Variants in NUP210L observed in about 807,000 individuals in gnomAD.
NUP210L encodes the protein nuclear pore membrane glycoprotein 210-like.
Under a neutral mutation model 208.5 loss-of-function variants are expected in NUP210L, and 74 were observed. The observed-to-expected ratio is 0.35, with a 90% CI of 0.29 to 0.43. The LOEUF is 0.43. NUP210L is among the 20% of genes least tolerant of loss of function. NUP210L has a pLI of 1.00. For missense variants in NUP210L, 1,843 were observed against 2,289.4 expected, an observed-to-expected ratio of 0.81 and a Z score of 3.98; for synonymous variants, 780 against 816.9, an observed-to-expected ratio of 0.95 and a Z score of 0.77.
chr1:154,127,295 A>C lies in NUP210L; in HGVS notation c.1185+16T>G. The C allele has an allele frequency of 1.5e-6, 2 of 1,342,736 alleles. No individual in the cohort carries two copies. The highest frequency in any genetic ancestry group is 4.6e-5 in the East Asian group (2 of 43,316). The allele number at this position is 1,342,736 out of a possible 1,614,324, so 83.2% of individuals were successfully genotyped here. A position where few individuals can be genotyped will look rare whatever the true frequency, so the allele number is the denominator to read the frequency against. On this transcript the variant is annotated intron_variant, in intron 9 of 39. Coordinates refer to ENST00000368559, the Ensembl canonical transcript of NUP210L. Reference sequence around the variant, plus strand: ...TCCCTACAAGGAGCTCAGAAAAATAAAAAAGACTGACTCACATCTGAAATA... The same window carrying C: ...TCCCTACAAGGAGCTCAGAAAAATACAAAAGACTGACTCACATCTGAAATA...
intron 16 of NUP210L, among the ~76,000 whole-genome samples, chr1:154,086,539 G>A (rs903194414): frequency 3.3e-5 from 5 of 151,740 alleles, no homozygotes; most frequent in Admixed American, 6.6e-5. Context: ...GGCCAAGCAT[G>A]GTGGCTTATG....
At chr1:154,082,299 G>T (rs1289056826) in intron 16 of NUP210L, among the ~76,000 whole-genome samples, 1 of 152,130 alleles carries the variant, frequency 6.6e-6, no homozygotes, top group Non-Finnish European at 1.5e-5. Context: ...TAAAACCGTG[G>T]AGTCAGCTAA....
intron 25 of NUP210L, among the ~76,000 whole-genome samples, chr1:154,051,079 C>T (rs1238208180): frequency 6.6e-6 from 1 of 152,140 alleles, no homozygotes; most frequent in Non-Finnish European, 1.5e-5. Flanking sequence ...TTGCAAATAG[C>T]AGTTAGGAGT....
At chr1:154,086,724 A>G (rs538096795) in intron 16 of NUP210L, among the ~76,000 whole-genome samples, 1 of 151,998 alleles carries the variant, frequency 6.6e-6, no homozygotes, top group South Asian at 2.1e-4. Flanking sequence ...AGGTGAGAGG[A>G]TAGTTAGCTT....
chr1:153,999,126 C>T (rs945219193), intron 37 of NUP210L, among the ~76,000 whole-genome samples: 7 of 152,112 alleles, frequency 4.6e-5, no homozygotes, highest in South Asian at 4.1e-4. Flanking sequence ...CAGATGCTCA[C>T]GTAAACATCA....
intron 17 of NUP210L, among the ~76,000 whole-genome samples, chr1:154,067,498 C>T (rs954469190): frequency 3.3e-5 from 5 of 151,990 alleles, no homozygotes; most frequent in African/African-American, 7.3e-5. Context: ...TACTGAAATG[C>T]GCAAAAACTG....
intron 14 of NUP210L, among the ~76,000 whole-genome samples, chr1:154,097,339 C>T (rs1656227138): frequency 2.0e-5 from 3 of 152,064 alleles, no homozygotes; most frequent in South Asian, 4.1e-4. Flanking sequence ...GGGAAAGATA[C>T]GTGACTAACA....
intron 2 of NUP210L, among the ~76,000 whole-genome samples, chr1:154,145,538 A>G (rs1659075187): frequency 6.6e-6 from 1 of 152,182 alleles, no homozygotes; most frequent in Non-Finnish European, 1.5e-5. Context: ...AGGAAATGGC[A>G]TGCTTCCTTT....
chr1:154,062,686 C>T (rs1654206269), intron 17 of NUP210L, among the ~76,000 whole-genome samples: 1 of 145,646 alleles, frequency 6.9e-6, no homozygotes, highest in Non-Finnish European at 1.5e-5. Flanking sequence ...CTACCCGGCT[C>T]AAGCAGTCCT....
rs571191757 is a variant in NUP210L, at chr1:154,047,124, G to C, written c.3484-755C>G. ...GGAAGGGCAGTGGGTGGGTAGGGGG[G>C]CTATGGGGATGATTAATGGGCAGAA... On this transcript the variant is annotated intron_variant, in intron 25 of 39. Coordinates refer to ENST00000368559, the Ensembl canonical transcript of NUP210L. Among the ~76,000 whole-genome samples, 10 of 152,226 alleles carry C rather than the reference G, an allele frequency of 6.6e-5. No homozygotes were observed. The South Asian group carries it at 1.5e-3, about 22-fold the overall frequency.
chr1:154,105,127 G>A (rs1467656940), intron 12 of NUP210L, among the ~76,000 whole-genome samples: 2 of 152,216 alleles, frequency 1.3e-5, no homozygotes, highest in Non-Finnish European at 2.9e-5. Flanking sequence ...CCCTGGGGCA[G>A]AAGGGAACCT....
intron 12 of NUP210L, among the ~76,000 whole-genome samples, chr1:154,113,857 C>CAA (rs11298820): frequency 3.0e-4 from 12 of 40,668 alleles, no homozygotes; most frequent in East Asian, 6.3e-4. Flanking sequence ...GACTCCATCT[C>CAA]AAAAAAAAAA....
chr1:154,056,711 T>C (rs1653887768), intron 23 of NUP210L, 104 bp downstream of exon 23: 1 of 1,227,836 alleles, frequency 8.1e-7, no homozygotes, highest in African/African-American at 1.6e-5. Flanking sequence ...TGAGCCACTG[T>C]GCCCAGCCAG....
At chr1:153,999,993 T>A (rs1375073078) in intron 37 of NUP210L, among the ~76,000 whole-genome samples, 2 of 150,358 alleles carry the variant, frequency 1.3e-5, no homozygotes, top group African/African-American at 2.4e-5. Flanking sequence ...CCCAGGTAAT[T>A]TTTTTTTTGT....
intron 38 of NUP210L, among the ~76,000 whole-genome samples, chr1:153,994,368 G>A (rs1649697343): frequency 1.3e-5 from 2 of 151,832 alleles, no homozygotes; most frequent in Non-Finnish European, 2.9e-5. Flanking sequence ...AGGCTGAAGT[G>A]CAGTGGCACG....
chr1:154,042,833 T>G (rs764976454), intron 27 of NUP210L, among the ~76,000 whole-genome samples: 14 of 151,798 alleles, frequency 9.2e-5, no homozygotes, highest in Non-Finnish European at 1.9e-4. Context: ...TGCCTCAGCC[T>G]CCTGAGTAGC....
At chr1:154,101,153 C>T (rs1571273066) in intron 13 of NUP210L, among the ~76,000 whole-genome samples, 1 of 102,652 alleles carries the variant, frequency 9.7e-6, no homozygotes, top group South Asian at 3.2e-4. Flanking sequence ...GCCTGAGCAA[C>T]AAGAGTGAAA....
At chr1:154,108,839 G>A (rs544909548) in intron 12 of NUP210L, among the ~76,000 whole-genome samples, 5 of 151,802 alleles carry the variant, frequency 3.3e-5, no homozygotes, top group East Asian at 1.9e-4. Flanking sequence ...AGTGGCTCAC[G>A]CCTATAATCC....
chr1:154,109,170 A>G (rs1436895167), intron 12 of NUP210L, among the ~76,000 whole-genome samples: 14 of 151,614 alleles, frequency 9.2e-5, no homozygotes, highest in Admixed American at 9.2e-4. Flanking sequence ...CTATAAAGAC[A>G]CATGTAGACT....
Sources: allele counts gnomAD v4.1 joint callset (sites outside exome capture counted in the v4.1 genomes callset), GRCh38; gene constraint gnomAD v4.1.1; transcripts MANE v1.5; gene names NCBI Gene and HGNC (gene_info 2026-07-23, HGNC 2026-07-21).